The following IQCH variants were observed in gnomAD, a reference collection of about 807,000 sequenced individuals.
IQCH encodes the protein IQ motif containing H.
IQCH carries 98 observed loss-of-function variants against 117.0 expected under a neutral mutation model. The ratio of observed to expected loss-of-function variants is 0.84; its 90% CI spans 0.71 to 0.99. The LOEUF is 0.99. Among genes scored for constraint, IQCH ranks in the 50% least tolerant of loss-of-function variants. The pLI, the probability that IQCH is intolerant of heterozygous loss-of-function variation, is 0.00. For synonymous variants in IQCH, 412 were observed against 448.2 expected, an observed-to-expected ratio of 0.92 and a Z score of 1.02; for missense variants, 1,102 against 1,243.8, an observed-to-expected ratio of 0.89 and a Z score of 1.72.
intron 10 of IQCH, among the ~76,000 whole-genome samples, chr15:67,383,672 T>A (rs755075741): frequency 2.6e-5 from 4 of 152,210 alleles, no homozygotes; most frequent in Admixed American, 6.5e-5. Context: ...AATATTGCAG[T>A]CACACATAAA....
Position 67,436,830 on chromosome 15 carries a change from C to G in IQCH, c.2505+15253C>G, listed in dbSNP as rs1028467895. The stretch of plus-strand genomic sequence containing the variant: ...ATGACTCAGCAGAGGCAGCCATAAT[C>G]CTCCTAGGTACACAACTCCAGTGAC... On this transcript the variant is annotated intron_variant, in intron 16 of 20. Transcript: ENST00000335894. The surrounding 1 kb of genome is among the most constrained non-coding windows in gnomAD (Gnocchi z 5.1). Among the ~76,000 whole-genome samples the G allele has an allele frequency of 1.9e-4, 29 of 152,178 alleles. No homozygotes were observed. Among genetic ancestry groups the G allele is most frequent in the Middle Eastern group, 6.8e-3 (2 of 294 alleles).
At position 67,370,946 on chromosome 15, in the gene IQCH, A is replaced by G. The variant is rs8028934; in HGVS notation, c.754-1165A>G. Among the ~76,000 whole-genome samples the G allele has an allele frequency of 0.68, 102,293 of 149,550 alleles. 35,382 individuals are homozygous for G. The highest frequency in any genetic ancestry group is 0.84 in the Middle Eastern group (247 of 294). ...CTCAACACAGTGCTGTGGCGTAATC[A>G]TTATGGATAAATTGCTGGGGGGGGT... On this transcript the variant is annotated intron_variant, in intron 8 of 20. Coordinates refer to ENST00000335894, the MANE Select transcript of IQCH (RefSeq NM_001031715.3). The surrounding 1 kb of genome is among the most constrained non-coding windows in gnomAD (Gnocchi z 5.6).
intron 16 of IQCH, among the ~76,000 whole-genome samples, chr15:67,442,504 G>A (rs753658110): frequency 1.9e-4 from 29 of 152,108 alleles, no homozygotes; most frequent in Middle Eastern, 6.8e-3. Flanking sequence ...TGCAAGAATG[G>A]CCATAATCAA....
chr15:67,354,330 A>G (rs1299070401), intron 6 of IQCH, among the ~76,000 whole-genome samples: 1 of 152,192 alleles, frequency 6.6e-6, no homozygotes, highest in Non-Finnish European at 1.5e-5. Flanking sequence ...ACATATTTAA[A>G]AAGAAAAAAC....
chr15:67,401,821 A>C lies in IQCH; in HGVS notation c.2097+1516A>C, dbSNP rs1971671375. The stretch of plus-strand genomic sequence containing the variant: ...AACAAAGAAAATGTATTTAATTTTG[A>C]GGCCCATAGAGATTTCCCTTATATT... On this transcript the variant is annotated intron_variant, in intron 14 of 20. Transcript: ENST00000335894. This position sits in a 1 kb window ranked among gnomAD's most constrained non-coding sequence, Gnocchi z 4.7. Among the ~76,000 whole-genome samples the C allele has an allele frequency of 1.3e-5, 2 of 152,216 alleles. No individual in the cohort carries two copies.
chr15:67,463,224 C>A lies in IQCH; in HGVS notation c.2506-1903C>A, dbSNP rs1246987578. Among the ~76,000 whole-genome samples, 1 of 152,118 alleles carries A rather than the reference C, an allele frequency of 6.6e-6. No individual in the cohort carries two copies. Among genetic ancestry groups the A allele is most frequent in the East Asian group, 1.9e-4 (1 of 5,190 alleles). On this transcript the variant is annotated intron_variant, in intron 16 of 20. Transcript: ENST00000335894. The surrounding 1 kb of genome is among the most constrained non-coding windows in gnomAD (Gnocchi z 4.0). ...CTTCTAGGAGGAAAAACTGTTTAAT[C>A]AAGTCTTCATGAAAATGTGTTAGTT...
At chr15:67,295,112 A>G (rs988412234) in intron 4 of IQCH, among the ~76,000 whole-genome samples, 1 of 152,024 alleles carries the variant, frequency 6.6e-6, no homozygotes, top group African/African-American at 2.4e-5. Flanking sequence ...CTCTTTCTTC[A>G]TACCTCCAGC....
chr15:67,352,393 C>G (rs1345240946), intron 6 of IQCH, among the ~76,000 whole-genome samples: 1 of 151,978 alleles, frequency 6.6e-6, no homozygotes, highest in East Asian at 1.9e-4. Flanking sequence ...TTGTCACTGT[C>G]TTTGCTCTTC....
intron 5 of IQCH, among the ~76,000 whole-genome samples, chr15:67,340,334 A>C (rs965615905): frequency 2.0e-5 from 3 of 147,156 alleles, no homozygotes; most frequent in Non-Finnish European, 4.5e-5. Flanking sequence ...AGGCTGAGGC[A>C]TGAGAATTGC....
chr15:67,293,506 A>G (rs888870479), intron 4 of IQCH, among the ~76,000 whole-genome samples: 9 of 152,218 alleles, frequency 5.9e-5, no homozygotes, highest in African/African-American at 1.2e-4. Flanking sequence ...TACCATGTAA[A>G]TGTTCTGTAA....
At chr15:67,298,219 A>C (rs181755329) in intron 4 of IQCH, among the ~76,000 whole-genome samples, 142 of 151,870 alleles carry the variant, frequency 9.4e-4, no homozygotes, top group Middle Eastern at 6.8e-3. Flanking sequence ...GAGGCAGGAG[A>C]ATTGCTTGAA....
chr15:67,493,713 G>A lies in IQCH; in HGVS notation c.2862-545G>A, dbSNP rs530788370. Among the ~76,000 whole-genome samples the A allele has an allele frequency of 2.0e-5, 3 of 152,242 alleles. No homozygotes were observed. In the East Asian group the frequency reaches 5.8e-4, roughly 29 times the overall value. On this transcript the variant is annotated intron_variant, in intron 19 of 20. Coordinates refer to ENST00000335894, the MANE Select transcript of IQCH (RefSeq NM_001031715.3). This position sits in a 1 kb window ranked among gnomAD's most constrained non-coding sequence, Gnocchi z 5.1. ...TAGGGTACATGTGCACAACGTGCAG[G>A]TTTGTTACATATGTATCCATGTGCC...
At chr15:67,394,028 T>G (rs1196329696) in intron 12 of IQCH, among the ~76,000 whole-genome samples, 1 of 152,172 alleles carries the variant, frequency 6.6e-6, no homozygotes, top group Non-Finnish European at 1.5e-5. Flanking sequence ...TAATGGAGCC[T>G]TATAAGTGAT....
intron 4 of IQCH, among the ~76,000 whole-genome samples, chr15:67,334,850 G>A (rs80024067): frequency 0.01 from 1,591 of 152,286 alleles, 26 homozygotes; most frequent in African/African-American, 0.037. Flanking sequence ...AATGCTCAGC[G>A]TGTTAAAGTT....
chr15:67,314,484 G>GGA (rs1447915427), intron 4 of IQCH, among the ~76,000 whole-genome samples: 4 of 136,234 alleles, frequency 2.9e-5, no homozygotes, highest in African/African-American at 1.1e-4. Flanking sequence ...TGTGCTAAAT[G>GGA]AAAAAAAAAA....
At chr15:67,372,739 C>A (rs1460526825) in intron 9 of IQCH, 77 bp downstream of exon 9, 1 of 1,241,368 alleles carries the variant, frequency 8.1e-7, no homozygotes, top group East Asian at 2.3e-5. Flanking sequence ...AATAAGTTGT[C>A]TCTATCTTCC....
rs2082656324 is a variant in IQCH at position 67,456,314 on chromosome 15, A to G, written c.2506-8813A>G. On this transcript the variant is annotated intron_variant, in intron 16 of 20. Coordinates refer to ENST00000335894, the MANE Select transcript of IQCH (RefSeq NM_001031715.3). The surrounding 1 kb of genome is among the most constrained non-coding windows in gnomAD (Gnocchi z 5.1). ...GAAACTTGGCACTCTGAAGAAATTGATCTACTAATGCTGGCAATGAAGTGT... is the reference window on the plus strand; with the variant it reads ...GAAACTTGGCACTCTGAAGAAATTGGTCTACTAATGCTGGCAATGAAGTGT... Among the ~76,000 whole-genome samples the G allele has an allele frequency of 6.6e-6, 1 of 152,198 alleles. No homozygotes were observed.
At chr15:67,498,697 G>A (rs958441813) in intron 20 of IQCH, among the ~76,000 whole-genome samples, 1 of 151,782 alleles carries the variant, frequency 6.6e-6, no homozygotes, top group African/African-American at 2.4e-5. Context: ...AAAAACATAC[G>A]TATAAACCTT....
At chr15:67,471,462 A>C (rs2083069771) in intron 17 of IQCH, among the ~76,000 whole-genome samples, 1 of 152,168 alleles carries the variant, frequency 6.6e-6, no homozygotes, top group African/African-American at 2.4e-5. Flanking sequence ...ACCCCAAGAA[A>C]TCGATGTTAA....
Sources: gnomAD v4.1 joint callset for allele counts (sites outside exome capture counted in the v4.1 genomes callset) on GRCh38, gnomAD v4.1.1 for gene constraint, Gnocchi (gnomAD v3.1) non-coding constraint, MANE v1.5 for transcripts, NCBI Gene and HGNC (gene_info 2026-07-23, HGNC 2026-07-21) for gene names.